Variants in CUBN observed in about 807,000 individuals in gnomAD.
CUBN encodes cubilin.
A neutral mutation model predicts 405.3 loss-of-function variants in CUBN; 282 were observed. The observed-to-expected ratio is 0.70, with a 90% CI of 0.63 to 0.77. The LOEUF (loss-of-function observed/expected upper bound fraction) is 0.77, where lower values mean the gene tolerates loss of function less well. CUBN is among the 30% of genes least tolerant of loss of function. The pLI is 0.00. For missense variants in CUBN, 4,514 were observed against 4,475.2 expected, an observed-to-expected ratio of 1.01 and a Z score of -0.25; for synonymous variants, 1,684 against 1,617.0, an observed-to-expected ratio of 1.04 and a Z score of -0.99.
intron 32 of CUBN, among the ~76,000 whole-genome samples, chr10:16,952,708 G>A (rs535077247): frequency 1.3e-5 from 2 of 152,136 alleles, no homozygotes; most frequent in African/African-American, 2.4e-5. Flanking sequence ...ATAAATCATA[G>A]GCATAGGGAT....
At position 16,984,059 on chromosome 10, in the gene CUBN, G is replaced by A. The variant is rs369406708; in HGVS notation, c.4525+46C>T. The A allele has an allele frequency of 2.1e-5, 34 of 1,601,164 alleles. No individual in the cohort carries two copies. In the African/African-American group the frequency reaches 3.1e-4, roughly 15 times the overall value. On this transcript the variant is annotated intron_variant, in intron 30 of 66. Transcript: ENST00000377833. ...TCCCAAGCATTTCATGAAATTTAAC[G>A]AGGGCTCGGCTTAAGTACTTTAGGA...
intron 31 of CUBN, among the ~76,000 whole-genome samples, chr10:16,965,304 C>T (rs902121915): frequency 6.6e-6 from 1 of 152,234 alleles, no homozygotes; most frequent in Non-Finnish European, 1.5e-5. Flanking sequence ...TGTAACATCA[C>T]ATACTAAAGT....
intron 41 of CUBN, among the ~76,000 whole-genome samples, chr10:16,926,878 A>G (rs1387724326): frequency 1.3e-5 from 2 of 151,682 alleles, no homozygotes; most frequent in East Asian, 3.9e-4. Context: ...TTTTCGTTAC[A>G]TGGATGAATT....
chr10:16,838,913 T>G (rs540915005), intron 62 of CUBN, among the ~76,000 whole-genome samples: 1 of 152,306 alleles, frequency 6.6e-6, no homozygotes, highest in South Asian at 2.1e-4. Flanking sequence ...CCCAAAGTGC[T>G]GGGATTATAA....
At chr10:17,129,094 G>A (rs1306113514) in intron 2 of CUBN, 27 bp downstream of exon 2, 3 of 1,586,250 alleles carry the variant, frequency 1.9e-6, no homozygotes, top group Non-Finnish European at 2.6e-6. Context: ...TATACAAAAT[G>A]ACTTCAATAT....
intron 36 of CUBN, among the ~76,000 whole-genome samples, chr10:16,940,786 T>C (rs1210199626): frequency 6.6e-6 from 1 of 152,068 alleles, no homozygotes; most frequent in Non-Finnish European, 1.5e-5. Flanking sequence ...GTGGGTTGGC[T>C]GAAGGTAAAT....
intron 28 of CUBN, among the ~76,000 whole-genome samples, chr10:17,004,533 A>G (rs1042640809): frequency 2.0e-5 from 3 of 152,218 alleles, no homozygotes; most frequent in Admixed American, 6.5e-5. Context: ...GGGATTTCCT[A>G]TCTATGAATA....
At chr10:17,065,142 A>ACT (rs1835587643) in intron 22 of CUBN, among the ~76,000 whole-genome samples, 2 of 69,346 alleles carry the variant, frequency 2.9e-5, no homozygotes, top group African/African-American at 1.5e-4. Context: ...CCCCCCCCCC[A>ACT]CACACACATG....
At chr10:17,062,457 G>A (rs769011862) in intron 22 of CUBN, among the ~76,000 whole-genome samples, 2 of 152,148 alleles carry the variant, frequency 1.3e-5, no homozygotes, top group African/African-American at 2.4e-5. Context: ...ATATTTTGTA[G>A]TTTGAATGAG....
In CUBN at chr10:16,869,844, A is replaced by G; in HGVS notation, c.9246T>C (p.Asp3082=). 1 of 1,609,682 alleles carries G rather than the reference A, an allele frequency of 6.2e-7. No individual in the cohort carries two copies. Among genetic ancestry groups the G allele is most frequent in the Non-Finnish European group, 8.5e-7 (1 of 1,175,970 alleles). The change falls in exon 59 of 67, where the codon GAT becomes GAC. Residue 3082 remains aspartate, a synonymous_variant. Transcript: ENST00000377833. ...AGGAGGTGGAGGGAACCACATCAAAATCACTGAACCTGTGAAATGTACCTT... is the reference window on the plus strand; with the variant it reads ...AGGAGGTGGAGGGAACCACATCAAAGTCACTGAACCTGTGAAATGTACCTT... ...DDKVIELKFS[D]FDVVPSTSCS...
intron 28 of CUBN, among the ~76,000 whole-genome samples, chr10:16,999,606 G>C (rs1833824528): frequency 6.6e-6 from 1 of 152,182 alleles, no homozygotes; most frequent in African/African-American, 2.4e-5. Flanking sequence ...ATGAGACTAA[G>C]ATAACTGTAC....
chr10:16,919,139 C>T (rs1286784832), intron 44 of CUBN, among the ~76,000 whole-genome samples: 1 of 152,202 alleles, frequency 6.6e-6, no homozygotes, highest in African/African-American at 2.4e-5. Context: ...TTGTTCCACA[C>T]AATGACTTGA....
intron 31 of CUBN, among the ~76,000 whole-genome samples, chr10:16,971,679 A>T (rs1832939289): frequency 6.6e-6 from 1 of 152,158 alleles, no homozygotes; most frequent in South Asian, 2.1e-4. Context: ...TACAACATTC[A>T]TAGAACCAAT....
chr10:16,907,093 G>A (rs1388348956), intron 49 of CUBN, among the ~76,000 whole-genome samples: 3 of 152,182 alleles, frequency 2.0e-5, no homozygotes, highest in Admixed American at 6.6e-5. Context: ...GGAAATATGT[G>A]TGTGGATAGA....
chr10:17,024,726 G>A (rs773602159), intron 27 of CUBN, among the ~76,000 whole-genome samples: 7 of 151,898 alleles, frequency 4.6e-5, no homozygotes, highest in Non-Finnish European at 8.8e-5. Flanking sequence ...GGCTGGTCTC[G>A]AACTCCTGGG....
In CUBN at chr10:16,948,569, T is replaced by C. The variant is rs1440919079; in HGVS notation, c.5118A>G (p.Thr1706=). Residue 1706 remains threonine, a synonymous_variant, in exon 35 of 67, where the codon ACA becomes ACG. Transcript: ENST00000377833. ...TCAGCGTCAGGGCGCTGCTGAAGGA[T>C]GTGATAGGATGGGGCATGTCGGTGC... The part of the protein sequence containing the change: ...YCGTDMPHPI[T]SFSSALTLRF... 1 of 1,613,882 alleles carries C rather than the reference T, an allele frequency of 6.2e-7. No individual in the cohort carries two copies. Among genetic ancestry groups the C allele is most frequent in the South Asian group, 1.1e-5 (1 of 91,054 alleles).
intron 48 of CUBN, among the ~76,000 whole-genome samples, chr10:16,911,063 C>CA (rs1279491099): frequency 2.6e-5 from 4 of 152,054 alleles, no homozygotes; most frequent in African/African-American, 9.7e-5. Context: ...AGCTGACGTA[C>CA]AAAGGCTCAA....
intron 17 of CUBN, among the ~76,000 whole-genome samples, chr10:17,083,492 C>T (rs964987415): frequency 1.9e-4 from 7 of 36,434 alleles, no homozygotes; most frequent in African/African-American, 4.3e-4. Context: ...GCAACAAGAG[C>T]GAAACTCCGT....
At chr10:16,902,233 A>C (rs1841414552) in intron 51 of CUBN, among the ~76,000 whole-genome samples, 1 of 135,944 alleles carries the variant, frequency 7.4e-6, no homozygotes, top group Non-Finnish European at 1.5e-5. Flanking sequence ...ATATGTATAT[A>C]TATACTATAT....
Sources: gnomAD v4.1 joint callset for allele counts (sites outside exome capture counted in the v4.1 genomes callset) on GRCh38, gnomAD v4.1.1 for gene constraint, MANE v1.5 for transcripts, NCBI Gene and HGNC (gene_info 2026-07-23, HGNC 2026-07-21) for gene names.